The following SLC26A2 variants were observed in gnomAD, a reference collection of about 807,000 sequenced individuals.
SLC26A2 encodes sulfate transporter.
In SLC26A2, 36 loss-of-function variants were observed where a neutral mutation model predicts 41.1. The observed-to-expected ratio is 0.88, with a 90% CI of 0.67 to 1.16. The LOEUF is 1.16. Ranked by LOEUF, SLC26A2 falls within the 50% of genes most tolerant of loss-of-function variation. The pLI, the probability that SLC26A2 is intolerant of heterozygous loss-of-function variation, is 0.00. For synonymous variants in SLC26A2, 291 were observed against 311.6 expected, an observed-to-expected ratio of 0.93 and a Z score of 0.70; for missense variants, 796 against 869.6, an observed-to-expected ratio of 0.92 and a Z score of 1.07.
chr5:149,961,724 T>C (rs1050220333), intron 1 of SLC26A2, among the ~76,000 whole-genome samples: 2 of 152,088 alleles, frequency 1.3e-5, no homozygotes, highest in Non-Finnish European at 2.9e-5. Context: ...CAACAGTTCT[T>C]TATGTGAAAT....
chr5:149,968,577 A>AT (rs34927001), intron 1 of SLC26A2, among the ~76,000 whole-genome samples: 7,897 of 136,276 alleles, frequency 0.058, 674 homozygotes, highest in African/African-American at 0.19. Flanking sequence ...TGCCTGGCTA[A>AT]TTTTTTTTTT....
In SLC26A2 at chr5:149,987,226, A is replaced by T. The variant is rs1755214697; in HGVS notation, c.*5413A>T. The T allele has an allele frequency of 6.6e-6, 1 of 152,194 alleles. No individual in the cohort carries two copies. Among genetic ancestry groups the T allele is most frequent in the South Asian group, 2.1e-4 (1 of 4,826 alleles). 9.4% of individuals were successfully genotyped at this position (152,194 alleles called of 1,614,324 possible). Reference sequence around the variant, plus strand: ...TGCTTAACCCTCTTATGGGATGAGGATGAGTTATTAATGTATTGCAGCCTA... The same window carrying T: ...TGCTTAACCCTCTTATGGGATGAGGTTGAGTTATTAATGTATTGCAGCCTA... On this transcript the variant is annotated 3_prime_UTR_variant, in exon 3 of 3. Transcript: ENST00000286298.
intron 1 of SLC26A2, among the ~76,000 whole-genome samples, chr5:149,972,786 G>T (rs1017256402): frequency 7.9e-5 from 12 of 151,956 alleles, no homozygotes; most frequent in African/African-American, 2.7e-4. Context: ...TATTTAATAC[G>T]ATATGTTTGG....
In SLC26A2 at chr5:149,982,164, G is replaced by A. The variant is rs1755120406; in HGVS notation, c.*351G>A. 5.0e-6 allele frequency: 1 copy of A among 198,814 alleles called. No homozygotes were observed. The allele number at this position is 198,814 out of a possible 1,614,324, so 12.3% of individuals were successfully genotyped here. ...CTGTGCATTCTCCAAGAGATGAAGC[G>A]GTGAAGTTGGGATTTACATTGGAAG... On this transcript the variant is annotated 3_prime_UTR_variant, in exon 3 of 3. Coordinates refer to ENST00000286298, the MANE Select transcript of SLC26A2 (RefSeq NM_000112.4).
rs747117439 is a variant in SLC26A2 at position 149,978,185 on chromosome 5, G to A, written c.533G>A (p.Arg178Gln). The change falls in exon 2 of 3, where the codon CGA becomes CAA. Residue 178 changes from arginine (R) to glutamine (Q), a missense_variant. Arg to Gln is a conservative substitution (Grantham distance 43). Coordinates refer to ENST00000286298, the MANE Select transcript of SLC26A2 (RefSeq NM_000112.4). ...CTTATGATTGGTGAGACAGTTGACCGAGAACTACAGAAAGCTGGCTATGAC... is the reference window on the plus strand; with the variant it reads ...CTTATGATTGGTGAGACAGTTGACCAAGAACTACAGAAAGCTGGCTATGAC... ...LCLMIGETVDRELQKAGYDNA... is the reference protein window; with the variant it reads ...LCLMIGETVDQELQKAGYDNA... 11 of 1,612,874 alleles carry A rather than the reference G, an allele frequency of 6.8e-6. No individual in the cohort carries two copies. Among genetic ancestry groups the A allele is most frequent in the Admixed American group, 3.3e-5 (2 of 59,980 alleles).
chr5:149,974,485 C>T (rs568154730), intron 1 of SLC26A2, among the ~76,000 whole-genome samples: 383 of 151,154 alleles, frequency 2.5e-3, no homozygotes, highest in Non-Finnish European at 4.4e-3. Context: ...TGCAGTGGCG[C>T]GATCTTGGCT....
Position 149,981,071 on chromosome 5 carries a change from G to T in SLC26A2, c.1478G>T (p.Gly493Val). 6.2e-7 allele frequency: 1 copy of T among 1,614,120 alleles called. No individual in the cohort carries two copies. The highest frequency in any genetic ancestry group is 8.5e-7 in the Non-Finnish European group (1 of 1,180,010). ...GTGATCACAATTGTAAATCTACGGG[G>T]AGCCCTTCGTAAATTTAGGGATCTT... ...LGVITIVNLR[G>V]ALRKFRDLPK... The change falls in exon 3 of 3, where the codon GGA becomes GTA. Residue 493 changes from glycine (G) to valine (V), a missense_variant. Physicochemically the swap from Gly to Val is moderately radical, Grantham distance 109. Coordinates refer to ENST00000286298, the MANE Select transcript of SLC26A2 (RefSeq NM_000112.4).
At chr5:149,977,086 T>C (rs963898724) in intron 1 of SLC26A2, among the ~76,000 whole-genome samples, 22 of 152,228 alleles carry the variant, frequency 1.4e-4, no homozygotes, top group African/African-American at 5.1e-4. Context: ...CATTTATCTT[T>C]ACCCTACAAC....
chr5:149,970,523 A>C (rs1015178712), intron 1 of SLC26A2, among the ~76,000 whole-genome samples: 4 of 152,108 alleles, frequency 2.6e-5, no homozygotes, highest in African/African-American at 7.2e-5. Context: ...AAAAAGAAAA[A>C]TAAAAGCTGA....
rs1220885179 is a variant in SLC26A2 at position 149,986,180 on chromosome 5, GT to G, written c.*4370del. On this transcript the variant is annotated 3_prime_UTR_variant, in exon 3 of 3. Transcript: ENST00000286298. ...AGAGTGAAGTTTCACTAGCAGGGAAGTTTCCTTGAGCCTAAAATAAAAAGAA... is the reference window on the plus strand; with the variant it reads ...AGAGTGAAGTTTCACTAGCAGGGAAGTTCCTTGAGCCTAAAATAAAAAGAA... 1 of 152,046 alleles carries G rather than the reference GT, an allele frequency of 6.6e-6. No individual in the cohort carries two copies. Among genetic ancestry groups the G allele is most frequent in the Non-Finnish European group, 1.5e-5 (1 of 68,008 alleles). The allele number at this position is 152,046 out of a possible 1,614,324, so 9.4% of individuals were successfully genotyped here.
At chr5:149,974,224 A>C (rs1380737808) in intron 1 of SLC26A2, among the ~76,000 whole-genome samples, 2 of 152,070 alleles carry the variant, frequency 1.3e-5, no homozygotes, top group African/African-American at 4.8e-5. Context: ...TTCCAATAAG[A>C]AGTCTGCTAT....
chr5:149,963,707 A>G (rs1003563563), intron 1 of SLC26A2, among the ~76,000 whole-genome samples: 14 of 134,652 alleles, frequency 1.0e-4, no homozygotes, highest in South Asian at 2.4e-4. Flanking sequence ...GAGCCCCTGC[A>G]CCCGGCCTGC....
Position 149,981,053 on chromosome 5 carries a change from C to T in SLC26A2, c.1460C>T (p.Thr487Ile), listed in dbSNP as rs148181478. Reference sequence around the variant, plus strand: ...CAAAAAAGTGTCCTTGGTGTGATCACAATTGTAAATCTACGGGGAGCCCTT... The same window carrying T: ...CAAAAAAGTGTCCTTGGTGTGATCATAATTGTAAATCTACGGGGAGCCCTT... Reference protein sequence around the residue: ...SLQKSVLGVITIVNLRGALRK... With the variant: ...SLQKSVLGVIIIVNLRGALRK... Residue 487 changes from threonine to isoleucine, a missense_variant, in exon 3 of 3, where the codon ACA (threonine) becomes ATA (isoleucine). Thr to Ile is a moderately conservative substitution (Grantham distance 89, BLOSUM62 -1). Coordinates refer to ENST00000286298, the MANE Select transcript of SLC26A2 (RefSeq NM_000112.4). The T allele has an allele frequency of 2.7e-5, 43 of 1,614,028 alleles. 1 individual carries two copies. Among genetic ancestry groups the T allele is most frequent in the South Asian group, 9.9e-5 (9 of 91,082 alleles).
chr5:149,980,255 T>A (rs1755067400), intron 2 of SLC26A2, 38 bp from the exon 3 acceptor site: 2 of 1,519,112 alleles, frequency 1.3e-6, no homozygotes, highest in African/African-American at 1.4e-5. Flanking sequence ...GAAGTTCTTT[T>A]CCATTTATAT....
chr5:149,967,131 C>T (rs965755237), intron 1 of SLC26A2, among the ~76,000 whole-genome samples: 1 of 152,084 alleles, frequency 6.6e-6, no homozygotes, highest in Admixed American at 6.6e-5. Context: ...CCACTGCACT[C>T]CAGTCTGAGC....
intron 1 of SLC26A2, among the ~76,000 whole-genome samples, chr5:149,969,973 A>G (rs1386935930): frequency 1.3e-5 from 2 of 151,936 alleles, no homozygotes; most frequent in Non-Finnish European, 2.9e-5. Context: ...TTGGGTTATT[A>G]CTCATTTTAG....
rs745802790 is a variant in SLC26A2 at position 149,981,227 on chromosome 5, G to T, written c.1634G>T (p.Arg545Leu). Residue 545 changes from arginine (R) to leucine (L), a missense_variant, in exon 3 of 3, where the codon CGC becomes CTC. By Grantham distance (102) the Arg-to-Leu change is moderately radical (BLOSUM62 -2). Coordinates refer to ENST00000286298, the MANE Select transcript of SLC26A2 (RefSeq NM_000112.4). The part of the protein sequence containing the change: ...VCFSIFCVIL[R>L]TQKPKSSLLG... ...TTTTCTATATTTTGTGTCATCCTCC[G>T]CACTCAGAAGCCAAAGAGTTCACTG... 7 of 1,613,954 alleles carry T rather than the reference G, an allele frequency of 4.3e-6. No homozygotes were observed. The African/African-American group carries it at 8.0e-5, about 18-fold the overall frequency.
At chr5:149,965,957 T>C (rs1241015528) in intron 1 of SLC26A2, among the ~76,000 whole-genome samples, 3 of 152,214 alleles carry the variant, frequency 2.0e-5, no homozygotes, top group Non-Finnish European at 4.4e-5. Context: ...TAGGCTAGAG[T>C]GCAGTGGCGC....
rs931456436 is a variant in SLC26A2 at position 149,965,745 on chromosome 5, G to T, written c.-26+4766G>T. On this transcript the variant is annotated intron_variant, in intron 1 of 2. Transcript: ENST00000286298. The stretch of plus-strand genomic sequence containing the variant: ...GAGATCTTTAGGTTGTTTTTAGGTC[G>T]ACTCTAGTTTTCCTGTAATTATCTG... Among the ~76,000 whole-genome samples, 4 of 151,842 alleles carry T rather than the reference G, an allele frequency of 2.6e-5. No individual in the cohort carries two copies. The South Asian group carries it at 8.3e-4, about 32-fold the overall frequency.
Sources: allele counts gnomAD v4.1 joint callset (sites outside exome capture counted in the v4.1 genomes callset), GRCh38; gene constraint gnomAD v4.1.1; transcripts MANE v1.5; gene names NCBI Gene and HGNC (gene_info 2026-07-23, HGNC 2026-07-21).